The following MTMR10 variants were observed in gnomAD, a reference collection of about 807,000 sequenced individuals.
The protein encoded by MTMR10 is myotubularin-related protein 10.
MTMR10 carries 56 observed loss-of-function variants against 88.1 expected under a neutral mutation model. The observed-to-expected ratio is 0.64, with a 90% CI of 0.51 to 0.79. MTMR10 has a LOEUF of 0.79. MTMR10 is among the 30% of genes least tolerant of loss of function. The probability of loss-of-function intolerance (pLI) is 0.00; values close to 1 mark genes in which losing one functional copy is unlikely to be tolerated. For missense variants in MTMR10, 883 were observed against 924.7 expected (o/e 0.95, Z 0.58); for synonymous variants, 380 against 340.9 (o/e 1.11, Z -1.26).
At chr15:30,976,756 A>G in intron 3 of MTMR10, 63 bp downstream of exon 3, 2 of 1,517,276 alleles carry the variant, frequency 1.3e-6, no homozygotes, top group East Asian at 2.3e-5. Context: ...GTTTTATATA[A>G]TAATATGTAC....
the MTMR10 span, chr15:30,925,124 C>T: frequency 1.4e-5 from 22 of 1,610,894 alleles, no homozygotes; most frequent in Non-Finnish European, 1.8e-5. Context: ...TGCTCTCTGC[C>T]AGACTATCAA....
chr15:30,926,081 C>G, the MTMR10 span: 1 of 805,334 alleles, frequency 1.2e-6, no homozygotes, highest in South Asian at 1.7e-5. Flanking sequence ...GGATGTCTTC[C>G]TATTCTTCCC....
chr15:30,973,598 C>T (rs961974732), intron 5 of MTMR10, among the ~76,000 whole-genome samples: 7 of 152,110 alleles, frequency 4.6e-5, no homozygotes, highest in South Asian at 4.1e-4. Flanking sequence ...GATACTGTTG[C>T]CCTATTCCCA....
chr15:30,952,000 A>C lies in MTMR10; in HGVS notation c.1175T>G (p.Leu392Arg), dbSNP rs1372666166. ...LKHSAELVYM[L>R]ESKHLSVVLQ... ...GACTACAGAGAGATGTTTGCTTTCTAGCATGTATACAAGTTCTGCTGAATG... is the reference window on the plus strand; with the variant it reads ...GACTACAGAGAGATGTTTGCTTTCTCGCATGTATACAAGTTCTGCTGAATG... Residue 392 changes from leucine (L) to arginine (R), a missense_variant, in exon 12 of 16, where the codon CTA becomes CGA. By Grantham distance (102) the Leu-to-Arg change is moderately radical. Transcript: ENST00000435680. 5 of 1,613,786 alleles carry C rather than the reference A, an allele frequency of 3.1e-6. No homozygotes were observed. Among genetic ancestry groups the C allele is most frequent in the Non-Finnish European group, 1.7e-6 (2 of 1,179,792 alleles).
In MTMR10 at chr15:30,974,908, A is replaced by G. The variant is rs114965383; in HGVS notation, c.331+23T>C. The G allele has an allele frequency of 9.9e-4, 1,401 of 1,418,548 alleles. 11 individuals carry two copies. The African/African-American group carries it at 0.018, about 18-fold the overall frequency. The allele number at this position is 1,418,548 out of a possible 1,614,324, so 87.9% of individuals were successfully genotyped here. A position where few individuals can be genotyped will look rare whatever the true frequency, so the allele number is the denominator to read the frequency against. On this transcript the variant is annotated intron_variant, in intron 4 of 15. Coordinates refer to ENST00000435680, the MANE Select transcript of MTMR10 (RefSeq NM_017762.3). Reference sequence around the variant, plus strand: ...CTTCCAGAGTGGAATTGACTTTTAGAGTATGTACGGAATACTACGTACCTG... The same window carrying G: ...CTTCCAGAGTGGAATTGACTTTTAGGGTATGTACGGAATACTACGTACCTG...
chr15:30,956,926 T>C (rs1009164689), intron 9 of MTMR10, among the ~76,000 whole-genome samples: 1 of 151,864 alleles, frequency 6.6e-6, no homozygotes, highest in Non-Finnish European at 1.5e-5. Context: ...CCAAATGGAG[T>C]TCAGGTAAAT....
the MTMR10 span, among the ~76,000 whole-genome samples, chr15:30,923,387 AAG>A: frequency 6.6e-6 from 1 of 152,172 alleles, no homozygotes; most frequent in African/African-American, 2.4e-5. Flanking sequence ...ATAAAAGTTC[AAG>A]AGAGTACAGA....
At chr15:30,986,390 A>G (rs927909936) in intron 2 of MTMR10, among the ~76,000 whole-genome samples, 1 of 151,880 alleles carries the variant, frequency 6.6e-6, no homozygotes, top group Non-Finnish European at 1.5e-5. Flanking sequence ...AGTGCTCACA[A>G]AATTGTATCT....
chr15:30,987,019 T>C (rs1020412592), intron 2 of MTMR10, among the ~76,000 whole-genome samples: 8 of 152,248 alleles, frequency 5.3e-5, no homozygotes, highest in South Asian at 2.1e-4. Flanking sequence ...TTTTCAAGTA[T>C]TGGAGTGATT....
intron 2 of MTMR10, among the ~76,000 whole-genome samples, chr15:30,989,634 C>G (rs71474640): frequency 0.3 from 45,371 of 150,672 alleles, 7,908 homozygotes; most frequent in African/African-American, 0.5. Flanking sequence ...CCAGGCTGGA[C>G]TGCAGTGGCA....
intron 6 of MTMR10, 75 bp from the exon 7 acceptor site, chr15:30,961,148 T>A (rs763170403): frequency 1.2e-5 from 18 of 1,484,634 alleles, no homozygotes; most frequent in African/African-American, 5.6e-5. Flanking sequence ...GAGCCTCCTG[T>A]CACATGCATA....
At chr15:30,943,735 G>T in intron 14 of MTMR10, 1 of 985,462 alleles carries the variant, frequency 1.0e-6, no homozygotes, top group Non-Finnish European at 1.2e-6. Flanking sequence ...TCCCACCACA[G>T]TAAACTGAGG....
intron 7 of MTMR10, among the ~76,000 whole-genome samples, chr15:30,959,810 C>T (rs371518759): frequency 5.9e-5 from 9 of 152,312 alleles, no homozygotes; most frequent in African/African-American, 2.2e-4. Context: ...TAGTGCTTTT[C>T]TTCCTTTTTC....
At position 30,942,371 on chromosome 15, in the gene MTMR10, C is replaced by G. The variant is rs147975640; in HGVS notation, c.1732-299G>C. The G allele has an allele frequency of 3.5e-4, 159 of 448,452 alleles. 2 individuals are homozygous for G. The East Asian group carries it at 6.3e-3, about 18-fold the overall frequency. The allele number at this position is 448,452 out of a possible 1,614,324, so 27.8% of individuals were successfully genotyped here. Reference sequence around the variant, plus strand: ...AAGACGGGCTAGAAAAAACACTAGACCTGGCCGATTCTATCAAGAACAATG... The same window carrying G: ...AAGACGGGCTAGAAAAAACACTAGAGCTGGCCGATTCTATCAAGAACAATG... On this transcript the variant is annotated intron_variant, in intron 15 of 15. Coordinates refer to ENST00000435680, the MANE Select transcript of MTMR10 (RefSeq NM_017762.3).
chr15:30,930,642 G>A, the MTMR10 span: 11 of 1,612,974 alleles, frequency 6.8e-6, no homozygotes, highest in African/African-American at 1.3e-4. Context: ...CGACCTGGTG[G>A]TGTGGAACTC....
the MTMR10 span, among the ~76,000 whole-genome samples, chr15:30,923,801 G>T: frequency 6.6e-6 from 1 of 152,068 alleles, no homozygotes; most frequent in Non-Finnish European, 1.5e-5. Context: ...TCAATTTCTT[G>T]GTTTTTATTT....
intron 2 of MTMR10, among the ~76,000 whole-genome samples, chr15:30,987,512 C>G (rs758736618): frequency 3.5e-4 from 54 of 152,180 alleles, no homozygotes; most frequent in Non-Finnish European, 7.4e-5. Flanking sequence ...TAAGTTCCAA[C>G]AGTGCACATG....
At chr15:30,960,632 T>G (rs2063388715) in intron 7 of MTMR10, among the ~76,000 whole-genome samples, 1 of 152,166 alleles carries the variant, frequency 6.6e-6, no homozygotes, top group African/African-American at 2.4e-5. Flanking sequence ...AAAACACCAG[T>G]TACAAGATAT....
chr15:30,922,669 G>A, the MTMR10 span, among the ~76,000 whole-genome samples: 1 of 152,228 alleles, frequency 6.6e-6, no homozygotes, highest in East Asian at 1.9e-4. Flanking sequence ...TCAGCCGTCA[G>A]CAAGTCAGCA....
Sources: allele counts gnomAD v4.1 joint callset (sites outside exome capture counted in the v4.1 genomes callset), GRCh38; gene constraint gnomAD v4.1.1; transcripts MANE v1.5; gene names NCBI Gene and HGNC (gene_info 2026-07-23, HGNC 2026-07-21).